GRIN2A: variants seen among roughly 807,000 people sequenced by gnomAD.
GRIN2A encodes glutamate receptor ionotropic, NMDA 2A.
GRIN2A carries 22 observed loss-of-function variants against 113.4 expected under a neutral mutation model. The ratio of observed to expected loss-of-function variants is 0.19; its 90% confidence interval spans 0.14 to 0.28. The LOEUF is 0.28. Ranked by LOEUF, GRIN2A falls within the 10% of genes least tolerant of loss-of-function variation. The pLI is 1.00. For synonymous variants in GRIN2A, 827 were observed against 738.4 expected (o/e 1.12, Z -1.94); for missense variants, 1,502 against 1,887.0 (o/e 0.80, Z 3.78).
At chr16:9,924,060 G>A (rs756023032) in intron 3 of GRIN2A, among the ~76,000 whole-genome samples, 3 of 141,002 alleles carry the variant, frequency 2.1e-5, no homozygotes, top group East Asian at 2.2e-4. Context: ...GTAGTGAGCC[G>A]AGATTGCACC....
At chr16:10,087,760 G>C (rs2048109955) in intron 2 of GRIN2A, among the ~76,000 whole-genome samples, 1 of 151,918 alleles carries the variant, frequency 6.6e-6, no homozygotes, top group South Asian at 2.1e-4. Flanking sequence ...CATGATCTCA[G>C]CTCATTGCAG....
At chr16:10,137,689 A>T (rs374741886) in intron 2 of GRIN2A, among the ~76,000 whole-genome samples, 60 of 152,280 alleles carry the variant, frequency 3.9e-4, no homozygotes, top group African/African-American at 1.3e-3. Context: ...TTCACTGTGC[A>T]CCTATTCTGT....
At chr16:9,991,941 C>A (rs144364656) in intron 2 of GRIN2A, among the ~76,000 whole-genome samples, 3,213 of 152,218 alleles carry the variant, frequency 0.021, 351 homozygotes, top group Admixed American at 0.18. Context: ...AGGACAAATG[C>A]CTAATGCATG....
intron 3 of GRIN2A, among the ~76,000 whole-genome samples, chr16:9,900,832 A>G (rs1013895269): frequency 6.6e-6 from 1 of 152,164 alleles, no homozygotes; most frequent in Non-Finnish European, 1.5e-5. Flanking sequence ...CTGGCACAAG[A>G]GCCAGTGGAA....
rs147051543 is a variant in GRIN2A, at chr16:9,839,727, A to G, written c.1651+920T>C. Among the ~76,000 whole-genome samples, 1,503 of 152,240 alleles carry G rather than the reference A, an allele frequency of 9.9e-3. 22 individuals carry two copies. The highest frequency in any genetic ancestry group is 0.034 in the African/African-American group (1,423 of 41,488). ...AAATGTTTTCAATATTCTAAGCAATATATCTATTAATTTACATTCTACAGA... is the reference window on the plus strand; with the variant it reads ...AAATGTTTTCAATATTCTAAGCAATGTATCTATTAATTTACATTCTACAGA... On this transcript the variant is annotated intron_variant, in intron 7 of 12. Transcript: ENST00000330684.
At chr16:10,051,407 C>T (rs1295695345) in intron 2 of GRIN2A, among the ~76,000 whole-genome samples, 1 of 152,190 alleles carries the variant, frequency 6.6e-6, no homozygotes, top group Non-Finnish European at 1.5e-5. Context: ...AAGAAAAACT[C>T]CATGGGTGCA....
At chr16:10,016,145 G>A (rs1356778910) in intron 2 of GRIN2A, among the ~76,000 whole-genome samples, 1 of 149,990 alleles carries the variant, frequency 6.7e-6, no homozygotes, top group Non-Finnish European at 1.5e-5. Context: ...AAAAAAAGTG[G>A]TAGGCATGGC....
intron 2 of GRIN2A, among the ~76,000 whole-genome samples, chr16:10,108,760 T>G (rs2048548251): frequency 6.6e-6 from 1 of 152,164 alleles, no homozygotes; most frequent in African/African-American, 2.4e-5. Context: ...CCAAGCACAT[T>G]ACCATGTTAG....
At chr16:10,044,018 T>TAG in intron 2 of GRIN2A, among the ~76,000 whole-genome samples, 1 of 121,410 alleles carries the variant, frequency 8.2e-6, no homozygotes, top group South Asian at 3.2e-4. Flanking sequence ...TATATATATA[T>TAG]ATATAGAGAG....
intron 2 of GRIN2A, among the ~76,000 whole-genome samples, chr16:9,984,935 T>C (rs1361367137): frequency 1.3e-5 from 2 of 152,188 alleles, no homozygotes; most frequent in African/African-American, 2.4e-5. Flanking sequence ...CTAATAAACG[T>C]ATCTGCGATA....
chr16:10,023,173 G>A (rs569729386), intron 2 of GRIN2A, among the ~76,000 whole-genome samples: 8 of 152,288 alleles, frequency 5.3e-5, no homozygotes, highest in African/African-American at 1.7e-4. Flanking sequence ...ATCTTAGACC[G>A]AGTTGGCAAC....
chr16:10,168,200 T>C (rs1447953049), intron 2 of GRIN2A, among the ~76,000 whole-genome samples: 3 of 152,226 alleles, frequency 2.0e-5, no homozygotes, highest in Non-Finnish European at 4.4e-5. Context: ...CTTATGTTTT[T>C]ATTTATATAT....
intron 2 of GRIN2A, among the ~76,000 whole-genome samples, chr16:10,098,296 T>A (rs55875023): frequency 0.19 from 28,936 of 151,940 alleles, 3,178 homozygotes; most frequent in African/African-American, 0.3. Flanking sequence ...ATCAAAAAAT[T>A]AAAAAAATAG....
chr16:10,051,499 A>G (rs985510318), intron 2 of GRIN2A, among the ~76,000 whole-genome samples: 4 of 152,210 alleles, frequency 2.6e-5, no homozygotes, highest in Non-Finnish European at 5.9e-5. Context: ...ATATTTGTTG[A>G]GTGAATGAAT....
rs151184065 is a variant in GRIN2A at position 9,928,155 on chromosome 16, C to A, written c.1007+9804G>T. ...TGCCAGGATTTGAGGCACCAGGAAC[C>A]TGGACGGGGGCTCATTCACACCTGC... On this transcript the variant is annotated intron_variant, in intron 3 of 12. Coordinates refer to ENST00000330684, the MANE Select transcript of GRIN2A (RefSeq NM_001134407.3). 8.0e-4 allele frequency among the ~76,000 whole-genome samples: 122 copies of A among 152,318 alleles called. 1 individual carries two copies. Among genetic ancestry groups the A allele is most frequent in the African/African-American group, 2.8e-3 (116 of 41,580 alleles).
At chr16:9,928,894 C>T (rs973068046) in intron 3 of GRIN2A, among the ~76,000 whole-genome samples, 3 of 152,200 alleles carry the variant, frequency 2.0e-5, no homozygotes, top group African/African-American at 7.2e-5. Context: ...ATGCACCCAA[C>T]CCAGATATAT....
In GRIN2A at chr16:9,761,073, C is replaced by T. The variant is rs1014536057; in HGVS notation, c.*2076G>A. 4 of 232,898 alleles carry T rather than the reference C, an allele frequency of 1.7e-5. No homozygotes were observed. Among genetic ancestry groups the T allele is most frequent in the African/African-American group, 6.6e-5 (3 of 45,306 alleles). 14.4% of individuals were successfully genotyped at this position (232,898 alleles called of 1,614,324 possible). A position where few individuals can be genotyped will look rare whatever the true frequency, so the allele number is the denominator to read the frequency against. On this transcript the variant is annotated 3_prime_UTR_variant, in exon 13 of 13. Transcript: ENST00000330684. ...ATCCCCAGCACCTAGTCAGCCCCTT[C>T]TGCCTTTCAAAAATGAAAGGAAGCT...
intron 11 of GRIN2A, among the ~76,000 whole-genome samples, chr16:9,771,110 G>GTGTT (rs1206916626): frequency 6.6e-6 from 1 of 151,994 alleles, no homozygotes; most frequent in Non-Finnish European, 1.5e-5. Flanking sequence ...GTTAGTGTTA[G>GTGTT]TGTTTGGGGT....
At chr16:9,982,645 G>A (rs139380222) in intron 2 of GRIN2A, among the ~76,000 whole-genome samples, 5 of 152,218 alleles carry the variant, frequency 3.3e-5, no homozygotes, top group Middle Eastern at 3.4e-3. Context: ...ACAAACTCAC[G>A]GATTTTATGT....
Sources: gnomAD v4.1 joint callset for allele counts (sites outside exome capture counted in the v4.1 genomes callset) on GRCh38, gnomAD v4.1.1 for gene constraint, MANE v1.5 for transcripts, NCBI Gene and HGNC (gene_info 2026-07-23, HGNC 2026-07-21) for gene names.